MYF5: variants seen among roughly 807,000 people sequenced by gnomAD.
The protein encoded by MYF5 is class C basic helix-loop-helix protein 2.
In MYF5, 20 loss-of-function variants were observed where a neutral mutation model predicts 22.3. The observed-to-expected ratio is 0.90, with a 90% confidence interval of 0.63 to 1.30. The LOEUF (loss-of-function observed/expected upper bound fraction) is 1.30, where lower values mean the gene tolerates loss of function less well. MYF5 is among the 50% of genes most tolerant of loss of function. The probability of loss-of-function intolerance (pLI) is 0.00; values close to 1 mark genes in which losing one functional copy is unlikely to be tolerated. For missense variants in MYF5, 348 were observed against 325.9 expected, an observed-to-expected ratio of 1.07 and a Z score of -0.52; for synonymous variants, 141 against 128.4, an observed-to-expected ratio of 1.10 and a Z score of -0.66.
Position 80,719,444 on chromosome 12 carries a change from A to G in MYF5, c.*393A>G, listed in dbSNP as rs1868693918. Reference sequence around the variant, plus strand: ...CTTTAAAACATTAAAACAGCTGAGAATCAGTTAAATGGAATTTTAAATATA... The same window carrying G: ...CTTTAAAACATTAAAACAGCTGAGAGTCAGTTAAATGGAATTTTAAATATA... On this transcript the variant is annotated 3_prime_UTR_variant, in exon 3 of 3. Coordinates refer to ENST00000228644, the MANE Select transcript of MYF5 (RefSeq NM_005593.3). 1 of 151,762 alleles carries G rather than the reference A, an allele frequency of 6.6e-6. No homozygotes were observed. The highest frequency in any genetic ancestry group is 1.5e-5 in the Non-Finnish European group (1 of 67,928). The allele number at this position is 151,762 out of a possible 1,614,324, so 9.4% of individuals were successfully genotyped here. A position where few individuals can be genotyped will look rare whatever the true frequency, so the allele number is the denominator to read the frequency against.
At chr12:80,718,331 A>G in intron 1 of MYF5, 27 bp from the exon 2 acceptor site, 4 of 1,608,138 alleles carry the variant, frequency 2.5e-6, no homozygotes, top group Non-Finnish European at 3.4e-6. Context: ...CCTGAAAACA[A>G]ACTTTGTTGT....
chr12:80,717,035 T>C lies in MYF5; in HGVS notation c.-29T>C, dbSNP rs1592805860. 1 of 1,571,406 alleles carries C rather than the reference T, an allele frequency of 6.4e-7. No homozygotes were observed. Among genetic ancestry groups the C allele is most frequent in the South Asian group, 1.1e-5 (1 of 88,394 alleles). On this transcript the variant is annotated 5_prime_UTR_variant, in exon 1 of 3. Coordinates refer to ENST00000228644, the MANE Select transcript of MYF5 (RefSeq NM_005593.3). The stretch of plus-strand genomic sequence containing the variant: ...TTTCTCCCCATCCCTCTCGCTGCCG[T>C]CCAGGTGCACCGCCTGCCTCTCAGC...
rs1868684709 is a variant in MYF5, at chr12:80,719,094, T to C, written c.*43T>C. The C allele has an allele frequency of 6.5e-7, 1 of 1,528,906 alleles. No individual in the cohort carries two copies. Among genetic ancestry groups the C allele is most frequent in the Non-Finnish European group, 8.9e-7 (1 of 1,121,504 alleles). 94.7% of individuals were successfully genotyped at this position (1,528,906 alleles called of 1,614,324 possible). On this transcript the variant is annotated 3_prime_UTR_variant, in exon 3 of 3. Transcript: ENST00000228644. ...TATGACTTCTTCCAGGAGGGCCTAATACACAGGAAGAAGAAGGCTTCAAAA... is the reference window on the plus strand; with the variant it reads ...TATGACTTCTTCCAGGAGGGCCTAACACACAGGAAGAAGAAGGCTTCAAAA...
Position 80,719,226 on chromosome 12 carries a change from A to G in MYF5, c.*175A>G. The G allele has an allele frequency of 5.7e-6, 3 of 529,460 alleles. No homozygotes were observed. The highest frequency in any genetic ancestry group is 6.6e-6 in the Non-Finnish European group (2 of 302,736). 32.8% of individuals were successfully genotyped at this position (529,460 alleles called of 1,614,324 possible). On this transcript the variant is annotated 3_prime_UTR_variant, in exon 3 of 3. Coordinates refer to ENST00000228644, the MANE Select transcript of MYF5 (RefSeq NM_005593.3). The stretch of plus-strand genomic sequence containing the variant: ...AAGTGTATTTAACTAAAAAGTCATC[A>G]TTGCAAATAATACTTTCTTCTTCTT...
rs1269137050 is a variant in MYF5 at position 80,717,087 on chromosome 12, G to T, written c.24G>T (p.Gln8His). 4 of 1,607,832 alleles carry T rather than the reference G, an allele frequency of 2.5e-6. No individual in the cohort carries two copies. In the South Asian group the frequency reaches 3.3e-5, roughly 13 times the overall value. ...GGATGGACGTGATGGATGGCTGCCA[G>T]TTCTCACCTTCTGAGTACTTCTACG... MDVMDGC[Q>H]FSPSEYFYDG... Residue 8 changes from glutamine (Q) to histidine (H), a missense_variant, in exon 1 of 3, where the codon CAG (glutamine) becomes CAT (histidine). Gln to His is a conservative substitution (Grantham distance 24, BLOSUM62 0). Coordinates refer to ENST00000228644, the MANE Select transcript of MYF5 (RefSeq NM_005593.3).
chr12:80,717,694 G>T, intron 1 of MYF5, 130 bp downstream of exon 1: 2 of 1,206,502 alleles, frequency 1.7e-6, no homozygotes, highest in Non-Finnish European at 2.3e-6. Context: ...GAAGAGAGGG[G>T]TCCACATTTA....
chr12:80,717,622 CCT>C, intron 1 of MYF5, 58 bp downstream of exon 1: 1 of 1,556,610 alleles, frequency 6.4e-7, no homozygotes, highest in Non-Finnish European at 8.7e-7. Context: ...AGTCCTTACA[CCT>C]CATTTAACCT....
In MYF5 at chr12:80,717,251, A is replaced by G; in HGVS notation, c.188A>G (p.Gln63Arg). ...GTGCGAGCGCCTACCGGCCACCACCAGGCTGGTCACTGCCTCATGTGGGCC... is the reference window on the plus strand; with the variant it reads ...GTGCGAGCGCCTACCGGCCACCACCGGGCTGGTCACTGCCTCATGTGGGCC... Reference protein sequence around the residue: ...EHVRAPTGHHQAGHCLMWACK... With the variant: ...EHVRAPTGHHRAGHCLMWACK... The change falls in exon 1 of 3, where the codon CAG becomes CGG. Residue 63 changes from glutamine (Q) to arginine (R), a missense_variant. By Grantham distance (43) the Gln-to-Arg change is conservative. Transcript: ENST00000228644. 6.2e-7 allele frequency: 1 copy of G among 1,614,082 alleles called. No individual in the cohort carries two copies. The highest frequency in any genetic ancestry group is 1.1e-5 in the South Asian group (1 of 91,082).
At position 80,717,023 on chromosome 12, in the gene MYF5, C is replaced by G. The variant is rs942297317; in HGVS notation, c.-41C>G. On this transcript the variant is annotated 5_prime_UTR_variant, in exon 1 of 3. Transcript: ENST00000228644. ...GCCAGGCTCCCGTTTCTCCCCATCC[C>G]TCTCGCTGCCGTCCAGGTGCACCGC... 2 of 1,559,668 alleles carry G rather than the reference C, an allele frequency of 1.3e-6. No homozygotes were observed. Among genetic ancestry groups the G allele is most frequent in the African/African-American group, 1.3e-5 (1 of 74,298 alleles).
intron 1 of MYF5, among the ~76,000 whole-genome samples, chr12:80,717,882 G>A (rs781380293): frequency 2.6e-5 from 4 of 152,088 alleles, no homozygotes; most frequent in Non-Finnish European, 5.9e-5. Context: ...CATGCCCTAC[G>A]CTAATATCTA....
rs755699591 is a variant in MYF5, at chr12:80,718,861, T to C, written c.578T>C (p.Val193Ala). 1.2e-6 allele frequency: 2 copies of C among 1,609,810 alleles called. No individual in the cohort carries two copies. The highest frequency in any genetic ancestry group is 3.3e-5 in the Admixed American group (2 of 59,940). The change falls in exon 3 of 3, where the codon GTA becomes GCA. Residue 193 changes from valine to alanine, a missense_variant and splice_region_variant. Transcript: ENST00000228644. ...DSIYCPDVSN[V>A]YATDKNSLSS... ...AATGCTTTTCTCCTTGTATCCTTAGTATATGCCACAGATAAAAACTCCTTA... is the reference window on the plus strand; with the variant it reads ...AATGCTTTTCTCCTTGTATCCTTAGCATATGCCACAGATAAAAACTCCTTA...
Position 80,719,217 on chromosome 12 carries a change from A to T in MYF5, c.*166A>T. The T allele has an allele frequency of 3.6e-6, 2 of 548,996 alleles. No individual in the cohort carries two copies. The highest frequency in any genetic ancestry group is 6.3e-6 in the Non-Finnish European group (2 of 318,580). 34.0% of individuals were successfully genotyped at this position (548,996 alleles called of 1,614,324 possible). A position where few individuals can be genotyped will look rare whatever the true frequency, so the allele number is the denominator to read the frequency against. ...TTTATAAGAAAGTGTATTTAACTAA[A>T]AAGTCATCATTGCAAATAATACTTT... is the stretch of plus-strand genomic sequence containing the variant. On this transcript the variant is annotated 3_prime_UTR_variant, in exon 3 of 3. Coordinates refer to ENST00000228644, the MANE Select transcript of MYF5 (RefSeq NM_005593.3).
Position 80,719,074 on chromosome 12 carries a change from C to T in MYF5, c.*23C>T. 6.2e-7 allele frequency: 1 copy of T among 1,604,708 alleles called. No homozygotes were observed. Reference sequence around the variant, plus strand: ...TGAACTAATTTTCTGGTCTATATGACTTCTTCCAGGAGGGCCTAATACACA... The same window carrying T: ...TGAACTAATTTTCTGGTCTATATGATTTCTTCCAGGAGGGCCTAATACACA... On this transcript the variant is annotated 3_prime_UTR_variant, in exon 3 of 3. Coordinates refer to ENST00000228644, the MANE Select transcript of MYF5 (RefSeq NM_005593.3).
At chr12:80,718,201 G>A (rs1368161388) in intron 1 of MYF5, among the ~76,000 whole-genome samples, 157 bp from the exon 2 acceptor site, 1 of 152,106 alleles carries the variant, frequency 6.6e-6, no homozygotes, top group Non-Finnish European at 1.5e-5. Context: ...CAGTGCCCTG[G>A]GAATTTGGAG....
rs957104355 is a variant in MYF5 at position 80,718,973 on chromosome 12, C to A, written c.690C>A (p.Leu230=). Residue 230 remains leucine, a synonymous_variant, in exon 3 of 3, where the codon CTC becomes CTA. Transcript: ENST00000228644. ...TGCCTCTCCAGGATCTGGCTTCTCT[C>A]TCTCCAGTTGCCAGCACCGATTCAC... ...PGLPLQDLAS[L]SPVASTDSQP... is the part of the protein sequence containing the mutation. The A allele has an allele frequency of 1.2e-6, 2 of 1,614,064 alleles. No individual in the cohort carries two copies. The highest frequency in any genetic ancestry group is 1.7e-6 in the Non-Finnish European group (2 of 1,180,038).
rs1032647026 is a variant in MYF5 at position 80,716,972 on chromosome 12, C to T, written c.-92C>T. The T allele has an allele frequency of 2.7e-6, 4 of 1,485,120 alleles. No individual in the cohort carries two copies. In the East Asian group the frequency reaches 6.8e-5, roughly 25 times the overall value. The allele number at this position is 1,485,120 out of a possible 1,614,324, so 92.0% of individuals were successfully genotyped here. ...CGGAGCGACAGACTAGGGAGCTCCG[C>T]CCGGGATTTGCCCATCGGCGGAGGC... On this transcript the variant is annotated 5_prime_UTR_variant, in exon 1 of 3. Coordinates refer to ENST00000228644, the MANE Select transcript of MYF5 (RefSeq NM_005593.3).
In MYF5 at chr12:80,716,975, G is replaced by GGGATTTGC; in HGVS notation, c.-88_-81dup. ...AGCGACAGACTAGGGAGCTCCGCCC[G>GGGATTTGC]GGATTTGCCCATCGGCGGAGGCGCC... On this transcript the variant is annotated 5_prime_UTR_variant, in exon 1 of 3. Transcript: ENST00000228644. 8.7e-6 allele frequency: 13 copies of GGGATTTGC among 1,488,152 alleles called. No individual in the cohort carries two copies. Among genetic ancestry groups the GGGATTTGC allele is most frequent in the Non-Finnish European group, 1.2e-5 (13 of 1,110,030 alleles). The allele number at this position is 1,488,152 out of a possible 1,614,324, so 92.2% of individuals were successfully genotyped here.
In MYF5 at chr12:80,717,227, T is replaced by C. The variant is rs1431646839; in HGVS notation, c.164T>C (p.Val55Ala). The C allele has an allele frequency of 1.2e-6, 2 of 1,613,894 alleles. No individual in the cohort carries two copies. The highest frequency in any genetic ancestry group is 2.7e-5 in the African/African-American group (2 of 74,930). The part of the protein sequence containing the change: ...ELQGSDEDEH[V>A]RAPTGHHQAG... ...CAGGGCTCAGATGAGGACGAGCACG[T>C]GCGAGCGCCTACCGGCCACCACCAG... The change falls in exon 1 of 3, where the codon GTG (valine) becomes GCG (alanine). Residue 55 changes from valine (V) to alanine (A), a missense_variant. Val to Ala is a moderately conservative substitution (Grantham distance 64, BLOSUM62 0). Coordinates refer to ENST00000228644, the MANE Select transcript of MYF5 (RefSeq NM_005593.3).
At position 80,717,423 on chromosome 12, in the gene MYF5, G is replaced by A. The variant is rs112211215; in HGVS notation, c.360G>A (p.Lys120=). ...CCAACCCCAACCAGAGGCTGCCCAA[G>A]GTGGAGATCCTCAGGAATGCCATCC... ...TTTNPNQRLP[K]VEILRNAIRY... Residue 120 remains lysine, a synonymous_variant, in exon 1 of 3, where the codon AAG becomes AAA. Coordinates refer to ENST00000228644, the MANE Select transcript of MYF5 (RefSeq NM_005593.3). 5.6e-6 allele frequency: 9 copies of A among 1,614,212 alleles called. No homozygotes were observed. Among genetic ancestry groups the A allele is most frequent in the African/African-American group, 5.3e-5 (4 of 75,066 alleles).
Sources: gnomAD v4.1 joint callset for allele counts (sites outside exome capture counted in the v4.1 genomes callset) on GRCh38, gnomAD v4.1.1 for gene constraint, MANE v1.5 for transcripts, NCBI Gene and HGNC (gene_info 2026-07-23, HGNC 2026-07-21) for gene names.